The following MYH15 variants were observed in gnomAD, a reference collection of about 807,000 sequenced individuals.
MYH15 encodes the protein myosin-15.
Under a neutral mutation model 240.5 loss-of-function variants are expected in MYH15, and 227 were observed. The observed-to-expected ratio is 0.94, with a 90% CI of 0.85 to 1.05. MYH15 has a LOEUF of 1.05. MYH15 is among the 50% of genes least tolerant of loss of function. The probability of loss-of-function intolerance (pLI) is 0.00; values close to 1 mark genes in which losing one functional copy is unlikely to be tolerated. For missense variants in MYH15, 2,217 were observed against 2,247.5 expected, an observed-to-expected ratio of 0.99 and a Z score of 0.27; for synonymous variants, 785 against 796.7, an observed-to-expected ratio of 0.99 and a Z score of 0.25.
intron 1 of MYH15, among the ~76,000 whole-genome samples, chr3:108,517,906 T>G (rs2083587086): frequency 6.6e-6 from 1 of 152,148 alleles, no homozygotes; most frequent in Non-Finnish European, 1.5e-5. Context: ...TGACTATAAT[T>G]CAGTATGATA....
chr3:108,512,151 A>G (rs139593001), upstream of MYH15, among the ~76,000 whole-genome samples: 42 of 152,324 alleles, frequency 2.8e-4, 1 homozygote, highest in South Asian at 8.7e-3. Flanking sequence ...AGGGAAAAAG[A>G]CAAAACTGAT....
chr3:108,431,731 G>T (rs1389850210), intron 25 of MYH15, among the ~76,000 whole-genome samples: 1 of 152,232 alleles, frequency 6.6e-6, no homozygotes, highest in Non-Finnish European at 1.5e-5. Flanking sequence ...GGTTGGAACA[G>T]TTTGGAGGGC....
intron 26 of MYH15, 68 bp downstream of exon 26, chr3:108,430,764 C>A: frequency 1.6e-6 from 2 of 1,234,144 alleles, no homozygotes; most frequent in South Asian, 2.5e-5. Flanking sequence ...GAGAATTAGT[C>A]ATTGAACCAC....
At chr3:108,484,192 T>C (rs1345495503) in intron 11 of MYH15, among the ~76,000 whole-genome samples, 1 of 152,200 alleles carries the variant, frequency 6.6e-6, no homozygotes, top group Non-Finnish European at 1.5e-5. Context: ...AATTTTAATA[T>C]TAAAGGTAAT....
At chr3:108,460,248 A>G (rs2083059265) in intron 17 of MYH15, 52 bp downstream of exon 17, 1 of 1,375,532 alleles carries the variant, frequency 7.3e-7, no homozygotes, top group Non-Finnish European at 1.0e-6. Flanking sequence ...AAATAATAAC[A>G]TATGCAGATT....
intron 11 of MYH15, among the ~76,000 whole-genome samples, chr3:108,478,700 C>T (rs1195866644): frequency 6.6e-6 from 1 of 150,760 alleles, no homozygotes; most frequent in Non-Finnish European, 1.5e-5. Flanking sequence ...AAAAGAGAAA[C>T]ATTTGTTTTT....
chr3:108,500,946 G>A (rs559512752), intron 3 of MYH15, among the ~76,000 whole-genome samples: 1 of 152,304 alleles, frequency 6.6e-6, no homozygotes, highest in Non-Finnish European at 1.5e-5. Flanking sequence ...AGCTGGAAGA[G>A]ACAAGGAAGG....
chr3:108,493,514 A>C (rs1201995654), intron 7 of MYH15, among the ~76,000 whole-genome samples: 1 of 152,236 alleles, frequency 6.6e-6, no homozygotes, highest in Non-Finnish European at 1.5e-5. Context: ...TCTTATCTAA[A>C]GATGAGAAAA....
chr3:108,448,450 C>A (rs537409419), intron 21 of MYH15, among the ~76,000 whole-genome samples: 2 of 151,756 alleles, frequency 1.3e-5, no homozygotes, highest in African/African-American at 4.8e-5. Context: ...GCAGGGATAC[C>A]TATAGTTACA....
At chr3:108,396,785 T>A (rs1196740734) in intron 35 of MYH15, among the ~76,000 whole-genome samples, 1 of 152,200 alleles carries the variant, frequency 6.6e-6, no homozygotes, top group Non-Finnish European at 1.5e-5. Flanking sequence ...CGGGATTGTG[T>A]CATACACATG....
At chr3:108,385,745 CT>C (rs906583491) in intron 38 of MYH15, among the ~76,000 whole-genome samples, 1 of 152,052 alleles carries the variant, frequency 6.6e-6, no homozygotes, top group Non-Finnish European at 1.5e-5. Context: ...CAAGTATGAA[CT>C]TTTTTGGCAG....
At chr3:108,534,700 T>TA in the MYH15 span, among the ~76,000 whole-genome samples, 203 of 134,666 alleles carry the variant, frequency 1.5e-3, no homozygotes, top group Middle Eastern at 3.7e-3. Flanking sequence ...ATCACATCTC[T>TA]AAAAAAAAAA....
the MYH15 span, among the ~76,000 whole-genome samples, chr3:108,538,220 C>T: frequency 2.0e-3 from 297 of 152,298 alleles, no homozygotes; most frequent in African/African-American, 6.1e-3. Context: ...GGCTTAATAT[C>T]AGAAGCTCCA....
chr3:108,434,744 C>T (rs555481521), intron 25 of MYH15, among the ~76,000 whole-genome samples: 4 of 152,092 alleles, frequency 2.6e-5, no homozygotes, highest in South Asian at 2.1e-4. Context: ...CCCTTGTATA[C>T]ATGAGAGTGT....
chr3:108,499,434 A>G, intron 5 of MYH15, 21 bp downstream of exon 5: 1 of 1,612,280 alleles, frequency 6.2e-7, no homozygotes, highest in South Asian at 1.1e-5. Context: ...GCCAAAAAAG[A>G]AAAACAAGGC....
At chr3:108,431,541 C>A (rs1275297664) in intron 25 of MYH15, among the ~76,000 whole-genome samples, 2 of 152,212 alleles carry the variant, frequency 1.3e-5, no homozygotes, top group Non-Finnish European at 2.9e-5. Context: ...GCCTCCCCAG[C>A]CACATGGAAC....
intron 21 of MYH15, among the ~76,000 whole-genome samples, chr3:108,449,951 T>C (rs967587198): frequency 1.3e-5 from 2 of 151,918 alleles, no homozygotes. Flanking sequence ...TGGCCAATAA[T>C]ATATGAAAAA....
the MYH15 span, chr3:108,550,905 T>C: frequency 2.0e-5 from 5 of 248,152 alleles, no homozygotes; most frequent in Non-Finnish European, 3.8e-5. Context: ...AATGATTTTC[T>C]AATGTAAGAA....
chr3:108,422,682 C>T (rs1576224026), intron 27 of MYH15, among the ~76,000 whole-genome samples: 1 of 152,234 alleles, frequency 6.6e-6, no homozygotes, highest in Non-Finnish European at 1.5e-5. Context: ...AGAAAGTATG[C>T]TATGGAAATG....
Sources: allele counts gnomAD v4.1 joint callset (sites outside exome capture counted in the v4.1 genomes callset), GRCh38; gene constraint gnomAD v4.1.1; transcripts MANE v1.5; gene names NCBI Gene and HGNC (gene_info 2026-07-23, HGNC 2026-07-21).